Variants in GALNT17 observed in about 807,000 individuals in gnomAD.
The protein encoded by GALNT17 is polypeptide N-acetylgalactosaminyltransferase 17, also known as UDP-GalNAc:polypeptide N-acetylgalactosaminyltransferase-like 3.
In GALNT17, 29 loss-of-function variants were observed where a neutral mutation model predicts 63.7. The ratio of observed to expected loss-of-function variants is 0.46; its 90% CI spans 0.34 to 0.62. The LOEUF (loss-of-function observed/expected upper bound fraction) is 0.62. Among genes scored for constraint, GALNT17 ranks in the 20% least tolerant of loss-of-function variants. GALNT17 has a pLI of 0.01. For synonymous variants in GALNT17, 305 were observed against 318.3 expected (o/e 0.96, Z 0.45); for missense variants, 603 against 799.6 (o/e 0.75, Z 2.97).
At chr7:71,351,312 A>G (rs1163836831) in intron 2 of GALNT17, among the ~76,000 whole-genome samples, 2 of 152,132 alleles carry the variant, frequency 1.3e-5, no homozygotes, top group Admixed American at 1.3e-4. Flanking sequence ...GGAGGTAGGA[A>G]CCATAGCATG....
At chr7:71,503,336 G>A (rs1239146535) in intron 5 of GALNT17, among the ~76,000 whole-genome samples, 2 of 152,126 alleles carry the variant, frequency 1.3e-5, no homozygotes, top group Non-Finnish European at 2.9e-5. Flanking sequence ...TGCCTCCCAG[G>A]TTCAAGCTAT....
intron 1 of GALNT17, among the ~76,000 whole-genome samples, chr7:71,268,413 G>A (rs1045216126): frequency 6.6e-6 from 1 of 151,270 alleles, no homozygotes. Flanking sequence ...TTAGCCAGGT[G>A]TGGTGGCATG....
At chr7:71,331,420 A>G (rs1791805736) in intron 1 of GALNT17, among the ~76,000 whole-genome samples, 4 of 152,210 alleles carry the variant, frequency 2.6e-5, no homozygotes, top group Admixed American at 6.5e-5. Context: ...AAAAGTTCCT[A>G]TATTTGGCCA....
chr7:71,167,306 G>T (rs145018585), intron 1 of GALNT17, among the ~76,000 whole-genome samples: 262 of 152,242 alleles, frequency 1.7e-3, no homozygotes, highest in Non-Finnish European at 3.0e-3. Flanking sequence ...AATGTGTGTA[G>T]TGATAGCACT....
At chr7:71,410,532 C>G (rs186882723) in intron 3 of GALNT17, among the ~76,000 whole-genome samples, 1 of 152,184 alleles carries the variant, frequency 6.6e-6, no homozygotes, top group Non-Finnish European at 1.5e-5. Flanking sequence ...AGGTGTGAGC[C>G]ATCACACCCA....
chr7:71,490,851 G>C (rs1425246970), intron 5 of GALNT17, among the ~76,000 whole-genome samples: 1 of 152,088 alleles, frequency 6.6e-6, no homozygotes, highest in African/African-American at 2.4e-5. Flanking sequence ...AGTGAGCTAT[G>C]ATCGCACCAC....
At chr7:71,341,967 T>C (rs1792013221) in intron 2 of GALNT17, among the ~76,000 whole-genome samples, 1 of 152,176 alleles carries the variant, frequency 6.6e-6, no homozygotes, top group African/African-American at 2.4e-5. Context: ...CCAGGAGGTA[T>C]GTCTCTAAAG....
At chr7:71,419,719 T>C (rs1786625208) in intron 4 of GALNT17, among the ~76,000 whole-genome samples, 1 of 152,184 alleles carries the variant, frequency 6.6e-6, no homozygotes, top group South Asian at 2.1e-4. Flanking sequence ...CTTAGATGGC[T>C]GTGCTCTCTG....
intron 8 of GALNT17, among the ~76,000 whole-genome samples, chr7:71,671,446 A>G (rs1431180040): frequency 1.3e-5 from 2 of 152,316 alleles, no homozygotes; most frequent in East Asian, 3.9e-4. Context: ...TTTTATAGAA[A>G]ATAAATCAAC....
chr7:71,471,407 A>C (rs1202028050), intron 5 of GALNT17, among the ~76,000 whole-genome samples: 7 of 149,182 alleles, frequency 4.7e-5, no homozygotes, highest in Admixed American at 6.7e-5. Context: ...TCCAAAAAAA[A>C]AAAAAAACAA....
At chr7:71,681,261 G>A (rs1179469124) in intron 9 of GALNT17, among the ~76,000 whole-genome samples, 2 of 152,166 alleles carry the variant, frequency 1.3e-5, no homozygotes, top group Admixed American at 1.3e-4. Context: ...TGAGGAAATG[G>A]GACTTGATCC....
intron 1 of GALNT17, among the ~76,000 whole-genome samples, chr7:71,143,242 C>T (rs1475219515): frequency 3.3e-5 from 5 of 150,956 alleles, no homozygotes; most frequent in African/African-American, 9.7e-5. Flanking sequence ...GCCAACACAG[C>T]GAAACCCTGT....
chr7:71,235,834 C>T (rs766308872), intron 1 of GALNT17, among the ~76,000 whole-genome samples: 1 of 152,200 alleles, frequency 6.6e-6, no homozygotes, highest in Non-Finnish European at 1.5e-5. Flanking sequence ...ACTCCTTCTT[C>T]CTTCCATCTG....
intron 9 of GALNT17, chr7:71,685,448 G>C (rs369621458): frequency 1.3e-5 from 2 of 152,168 alleles, no homozygotes; most frequent in African/African-American, 4.8e-5. Context: ...ATTCCACATC[G>C]TAACAAGCAT....
chr7:71,235,259 A>G (rs1394873821), intron 1 of GALNT17, among the ~76,000 whole-genome samples: 2 of 151,874 alleles, frequency 1.3e-5, no homozygotes, highest in Admixed American at 6.6e-5. Flanking sequence ...TCGGAAAAAA[A>G]AAAAAAAAAT....
intron 6 of GALNT17, among the ~76,000 whole-genome samples, chr7:71,652,521 G>A (rs1790768062): frequency 6.6e-6 from 1 of 152,124 alleles, no homozygotes; most frequent in Non-Finnish European, 1.5e-5. Flanking sequence ...CCTCTGGGAA[G>A]GAGGTTACCA....
chr7:71,402,841 G>C (rs747048471), intron 3 of GALNT17, among the ~76,000 whole-genome samples: 1 of 152,098 alleles, frequency 6.6e-6, no homozygotes, highest in South Asian at 2.1e-4. Context: ...TTCCTGTGTC[G>C]CTGAGGCTCT....
chr7:71,498,149 G>C (rs909572387), intron 5 of GALNT17, among the ~76,000 whole-genome samples: 1 of 152,058 alleles, frequency 6.6e-6, no homozygotes, highest in Non-Finnish European at 1.5e-5. Context: ...TGCTACATTT[G>C]CTACAATGAA....
intron 1 of GALNT17, among the ~76,000 whole-genome samples, chr7:71,201,245 A>G (rs757924842): frequency 3.9e-5 from 5 of 127,228 alleles, no homozygotes; most frequent in Middle Eastern, 3.9e-3. Context: ...TTATTTTTAT[A>G]TATATATATA....
Sources: gnomAD v4.1 joint callset for allele counts (sites outside exome capture counted in the v4.1 genomes callset) on GRCh38, gnomAD v4.1.1 for gene constraint, MANE v1.5 for transcripts, NCBI Gene and HGNC (gene_info 2026-07-23, HGNC 2026-07-21) for gene names.